The following CACNB2 variants were observed in gnomAD, a reference collection of about 807,000 sequenced individuals.
CACNB2 encodes the protein calcium voltage-gated channel auxiliary subunit beta 2.
A neutral mutation model predicts 73.3 loss-of-function variants in CACNB2; 42 were observed. That is an observed-to-expected ratio of 0.57 (90% confidence interval 0.45 to 0.74). The LOEUF (loss-of-function observed/expected upper bound fraction) is 0.74. CACNB2 is among the 30% of genes least tolerant of loss of function. The pLI is 0.00. For synonymous variants in CACNB2, 348 were observed against 310.3 expected, an observed-to-expected ratio of 1.12 and a Z score of -1.28; for missense variants, 940 against 853.0, an observed-to-expected ratio of 1.10 and a Z score of -1.27.
In CACNB2 at chr10:18,465,136, C is replaced by T. The variant is rs1293782946; in HGVS notation, c.334-33219C>T. ...CCTGAGGTCAGGAGTTCAAGACCAGCCTGGCCAACATAGTGAAACCCCATC... is the reference window on the plus strand; with the variant it reads ...CCTGAGGTCAGGAGTTCAAGACCAGTCTGGCCAACATAGTGAAACCCCATC... On this transcript the variant is annotated intron_variant, in intron 3 of 13. Coordinates refer to ENST00000324631, the MANE Select transcript of CACNB2 (RefSeq NM_201596.3). Among the ~76,000 whole-genome samples, 6 of 152,280 alleles carry T rather than the reference C, an allele frequency of 3.9e-5. No individual in the cohort carries two copies. The South Asian group carries it at 6.2e-4, about 16-fold the overall frequency.
At chr10:18,298,827 C>T (rs1448246233) in intron 2 of CACNB2, among the ~76,000 whole-genome samples, 9 of 152,040 alleles carry the variant, frequency 5.9e-5, no homozygotes, top group Non-Finnish European at 7.4e-5. Flanking sequence ...ATAAGAATGG[C>T]GGGTTTCTTC....
chr10:18,310,729 G>A (rs918133328), intron 2 of CACNB2, among the ~76,000 whole-genome samples: 29 of 149,114 alleles, frequency 1.9e-4, no homozygotes, highest in African/African-American at 5.4e-4. Context: ...ACAGGCATGC[G>A]CCACCATGCC....
chr10:18,160,251 A>G (rs11595814), intron 2 of CACNB2, among the ~76,000 whole-genome samples: 31,178 of 152,056 alleles, frequency 0.21, 3,583 homozygotes, highest in African/African-American at 0.31. Flanking sequence ...AACACTTTAT[A>G]AACTAGGCTT....
At chr10:18,331,480 G>A (rs2040804984) in intron 2 of CACNB2, among the ~76,000 whole-genome samples, 1 of 151,534 alleles carries the variant, frequency 6.6e-6, no homozygotes, top group African/African-American at 2.4e-5. Context: ...AAAGGATGGG[G>A]GGGTGAAAAT....
chr10:18,534,251 C>G (rs1392963991), intron 11 of CACNB2, 24 bp downstream of exon 11: 24 of 1,592,088 alleles, frequency 1.5e-5, no homozygotes, highest in Non-Finnish European at 2.1e-5. Context: ...CTACTGTTTG[C>G]TCTATAATCA....
chr10:18,260,543 T>C (rs1387758313), intron 2 of CACNB2: 1 of 985,748 alleles, frequency 1.0e-6, no homozygotes, highest in Non-Finnish European at 1.2e-6. Flanking sequence ...AAATACCTAC[T>C]GCAGGACAAA....
chr10:18,467,985 TAAAGA>T (rs1035607204), intron 3 of CACNB2, among the ~76,000 whole-genome samples: 1 of 152,196 alleles, frequency 6.6e-6, no homozygotes, highest in African/African-American at 2.4e-5. Flanking sequence ...TTTTGTGAAT[TAAAGA>T]AATGAATGAA....
chr10:18,372,149 A>G lies in CACNB2; in HGVS notation c.214-29775A>G, dbSNP rs182668283. On this transcript the variant is annotated intron_variant, in intron 2 of 13. Coordinates refer to ENST00000324631, the MANE Select transcript of CACNB2 (RefSeq NM_201596.3). ...TTGCAAAAATTTTCTCCCATTCTGT[A>G]GGTTGCCTGTTCACTCTGATGGTAG... Among the ~76,000 whole-genome samples, 1,329 of 152,198 alleles carry G rather than the reference A, an allele frequency of 8.7e-3. 21 individuals are homozygous for G. The highest frequency in any genetic ancestry group is 0.03 in the African/African-American group (1,257 of 41,504).
At chr10:18,387,168 C>T (rs2132420176) in intron 2 of CACNB2, among the ~76,000 whole-genome samples, 1 of 152,286 alleles carries the variant, frequency 6.6e-6, no homozygotes, top group South Asian at 2.1e-4. Context: ...GGTCTTTCTG[C>T]CTCGGAATGT....
intron 10 of CACNB2, among the ~76,000 whole-genome samples, chr10:18,529,529 G>C (rs2052791101): frequency 6.6e-6 from 1 of 152,210 alleles, no homozygotes; most frequent in African/African-American, 2.4e-5. Flanking sequence ...AGCTGATCCT[G>C]AGCTGAGACT....
chr10:18,520,956 C>T (rs1015407583), intron 9 of CACNB2, among the ~76,000 whole-genome samples: 3 of 152,104 alleles, frequency 2.0e-5, no homozygotes, highest in African/African-American at 7.2e-5. Context: ...TGTCATTCTC[C>T]CATAATTAGA....
intron 5 of CACNB2, among the ~76,000 whole-genome samples, chr10:18,503,839 T>G (rs2050341887): frequency 6.6e-6 from 1 of 152,210 alleles, no homozygotes; most frequent in South Asian, 2.1e-4. Flanking sequence ...TCAGGATTTT[T>G]TTATAGCCTT....
At chr10:18,495,567 G>A (rs912406449) in intron 3 of CACNB2, among the ~76,000 whole-genome samples, 2 of 141,620 alleles carry the variant, frequency 1.4e-5, no homozygotes, top group African/African-American at 2.9e-5. Flanking sequence ...GTGTGTGTGT[G>A]TGTGTGTGTG....
chr10:18,474,376 G>A (rs1285716528), intron 3 of CACNB2, among the ~76,000 whole-genome samples: 1 of 152,084 alleles, frequency 6.6e-6, no homozygotes, highest in Non-Finnish European at 1.5e-5. Context: ...CAATGGAGAA[G>A]CTTATTTTGC....
chr10:18,513,466 A>G, intron 6 of CACNB2: 1 of 264,808 alleles, frequency 3.8e-6, no homozygotes, highest in Non-Finnish European at 7.5e-6. Flanking sequence ...GTCAGCCACT[A>G]TGCTCCTCAT....
At chr10:18,249,633 C>T (rs949149039) in intron 2 of CACNB2, among the ~76,000 whole-genome samples, 3 of 152,182 alleles carry the variant, frequency 2.0e-5, no homozygotes, top group Non-Finnish European at 2.9e-5. Context: ...CTTCATCTTA[C>T]TTGACCTCAC....
intron 3 of CACNB2, among the ~76,000 whole-genome samples, chr10:18,415,311 G>A (rs12049663): frequency 0.15 from 22,742 of 151,908 alleles, 1,936 homozygotes; most frequent in East Asian, 0.26. Context: ...CAAAAAATAA[G>A]CAAAAATAGT....
At chr10:18,472,267 C>T (rs1351272353) in intron 3 of CACNB2, among the ~76,000 whole-genome samples, 3 of 130,848 alleles carry the variant, frequency 2.3e-5, no homozygotes, top group East Asian at 2.3e-4. Flanking sequence ...CATGGAGTCT[C>T]GCTCTGTCAC....
chr10:18,211,626 T>C (rs565365603), intron 2 of CACNB2, among the ~76,000 whole-genome samples: 1 of 152,252 alleles, frequency 6.6e-6, no homozygotes, highest in South Asian at 2.1e-4. Context: ...TAGTACTGAG[T>C]ATTCTTAGAT....
Sources: gnomAD v4.1 joint callset for allele counts (sites outside exome capture counted in the v4.1 genomes callset) on GRCh38, gnomAD v4.1.1 for gene constraint, MANE v1.5 for transcripts, NCBI Gene and HGNC (gene_info 2026-07-23, HGNC 2026-07-21) for gene names.